The following FHIP1B variants were observed in gnomAD, a reference collection of about 807,000 sequenced individuals.
The protein encoded by FHIP1B is FHF complex subunit HOOK interacting protein 1B, also known as FHF complex subunit HOOK-interacting protein 1B.
A neutral mutation model predicts 82.2 loss-of-function variants in FHIP1B; 28 were observed. The observed-to-expected ratio is 0.34, with a 90% CI of 0.25 to 0.47. FHIP1B has a LOEUF of 0.47. Ranked by LOEUF, FHIP1B falls within the 20% of genes least tolerant of loss-of-function variation. The pLI is 1.00. For missense variants in FHIP1B, 1,110 were observed against 1,262.6 expected (o/e 0.88, Z 1.83); for synonymous variants, 585 against 516.1 (o/e 1.13, Z -1.81).
At chr11:6,227,033 T>C (rs1402098191) in intron 1 of FHIP1B, among the ~76,000 whole-genome samples, 1 of 152,240 alleles carries the variant, frequency 6.6e-6, no homozygotes, top group African/African-American at 2.4e-5. Flanking sequence ...TGAAATTATT[T>C]ATACCTGTAA....
At chr11:6,227,597 A>G (rs757071441) in intron 1 of FHIP1B, among the ~76,000 whole-genome samples, 9 of 152,230 alleles carry the variant, frequency 5.9e-5, no homozygotes, top group Non-Finnish European at 1.0e-4. Context: ...TGATGTCCAG[A>G]AAGCAAGTAG....
chr11:6,219,135 C>T (rs1847337659), intron 6 of FHIP1B, 85 bp from the exon 7 acceptor site: 5 of 1,053,598 alleles, frequency 4.7e-6, no homozygotes, highest in Non-Finnish European at 7.2e-6. Flanking sequence ...CCCACCAGCC[C>T]CAAGTTGGCC....
intron 1 of FHIP1B, among the ~76,000 whole-genome samples, chr11:6,232,514 TCTCA>T: frequency 6.6e-6 from 1 of 152,244 alleles, no homozygotes; most frequent in Admixed American, 6.5e-5. Context: ...CCAAAGTCTC[TCTCA>T]CTCTGAGACA....
chr11:6,219,095 T>G, intron 6 of FHIP1B, 45 bp from the exon 7 acceptor site: 22 of 1,479,532 alleles, frequency 1.5e-5, no homozygotes, highest in African/African-American at 4.2e-5. Flanking sequence ...AAGAGCTCTC[T>G]GCCCTCCAAG....
chr11:6,217,880 C>T lies in FHIP1B; in HGVS notation c.1706G>A (p.Cys569Tyr). The change falls in exon 9 of 12, where the codon TGC becomes TAC. Residue 569 changes from cysteine (C) to tyrosine (Y), a missense_variant. By Grantham distance (194) the Cys-to-Tyr change is radical. Transcript: ENST00000449352. ...ATCATAGGGGGCAGACCAGGTACGGCAGGCTCGGACACAGCGGTCCACACC... is the reference window on the plus strand; with the variant it reads ...ATCATAGGGGGCAGACCAGGTACGGTAGGCTCGGACACAGCGGTCCACACC... ...RRGVDRCVRA[C>Y]RTWSAPYDGE... 6.2e-7 allele frequency: 1 copy of T among 1,613,454 alleles called. No individual in the cohort carries two copies. Among genetic ancestry groups the T allele is most frequent in the Non-Finnish European group, 8.5e-7 (1 of 1,179,982 alleles).
rs370575317 is a variant in FHIP1B at position 6,221,299 on chromosome 11, G to A, written c.1191+1143C>T. On this transcript the variant is annotated intron_variant, in intron 6 of 11. Transcript: ENST00000449352. ...GAAGTTTTCCAGAGCTCTTAGTGAT[G>A]AAAGAACTTCTATTTTAAACACATG... 3.4e-4 allele frequency among the ~76,000 whole-genome samples: 51 copies of A among 151,998 alleles called. No homozygotes were observed. The East Asian group carries it at 5.4e-3, about 16-fold the overall frequency.
chr11:6,212,992 T>C (rs1196036416), intron 11 of FHIP1B, among the ~76,000 whole-genome samples: 1 of 152,228 alleles, frequency 6.6e-6, no homozygotes, highest in Non-Finnish European at 1.5e-5. Context: ...CCAATTTTAC[T>C]TCCCTTAACT....
chr11:6,218,199 A>C (rs201985072), intron 8 of FHIP1B, 49 bp from the exon 9 acceptor site: 247 of 1,560,936 alleles, frequency 1.6e-4, no homozygotes, highest in Admixed American at 2.1e-4. Flanking sequence ...GAGGTTCAGA[A>C]GGAGAGATAA....
intron 9 of FHIP1B, 35 bp downstream of exon 9, chr11:6,217,336 T>G: frequency 1.3e-6 from 2 of 1,579,084 alleles, no homozygotes; most frequent in South Asian, 2.2e-5. Flanking sequence ...ATGCAAAGAG[T>G]ACACAGAAGG....
Position 6,217,674 on chromosome 11 carries a change from C to A in FHIP1B, c.1912G>T (p.Val638Leu). ...GHLPPPQLNG[V>L]PGSWPEGAKK... ...GCCCCCTCAGGCCATGATCCTGGCACTCCATTGAGCTGGGGAGGGGGCAGG... is the reference window on the plus strand; with the variant it reads ...GCCCCCTCAGGCCATGATCCTGGCAATCCATTGAGCTGGGGAGGGGGCAGG... Residue 638 changes from valine to leucine, a missense_variant, in exon 9 of 12, where the codon GTG (valine) becomes TTG (leucine). Val to Leu is a conservative substitution (Grantham distance 32, BLOSUM62 1). Coordinates refer to ENST00000449352, the MANE Select transcript of FHIP1B (RefSeq NM_001098794.2). 1 of 1,613,874 alleles carries A rather than the reference C, an allele frequency of 6.2e-7. No homozygotes were observed. Among genetic ancestry groups the A allele is most frequent in the Non-Finnish European group, 8.5e-7 (1 of 1,179,972 alleles).
At position 6,226,021 on chromosome 11, in the gene FHIP1B, C is replaced by G. The variant is rs78387028; in HGVS notation, c.-191-1314G>C. Among the ~76,000 whole-genome samples, 626 of 152,282 alleles carry G rather than the reference C, an allele frequency of 4.1e-3. 5 individuals carry two copies. Among genetic ancestry groups the G allele is most frequent in the African/African-American group, 0.014 (589 of 41,546 alleles). On this transcript the variant is annotated intron_variant, in intron 1 of 11. Coordinates refer to ENST00000449352, the MANE Select transcript of FHIP1B (RefSeq NM_001098794.2). ...CCTTCTCCTTTACAGCCACCACACC[C>G]TCATCAGTACTGTCTCTCACAAGCA... is the stretch of plus-strand genomic sequence containing the variant.
At chr11:6,233,383 C>A (rs1368982154) in intron 1 of FHIP1B, among the ~76,000 whole-genome samples, 1 of 152,118 alleles carries the variant, frequency 6.6e-6, no homozygotes, top group Non-Finnish European at 1.5e-5. Context: ...AATGCCAAAC[C>A]AACTTTCCAG....
Position 6,223,842 on chromosome 11 carries a change from T to C in FHIP1B, c.545A>G (p.Gln182Arg). The C allele has an allele frequency of 6.2e-7, 1 of 1,614,184 alleles. No homozygotes were observed. Among genetic ancestry groups the C allele is most frequent in the East Asian group, 2.2e-5 (1 of 44,886 alleles). ...CTCCTGGGCCACACAAACACACAGC[T>C]GGCTGAGAAGTAGCACCAAGCCTTC... is the stretch of plus-strand genomic sequence containing the variant. ...LDEGLVLLLSQLCVCVAQEPS... is the reference protein window; with the variant it reads ...LDEGLVLLLSRLCVCVAQEPS... Residue 182 changes from glutamine (Q) to arginine (R), a missense_variant, in exon 3 of 12, where the codon CAG (glutamine) becomes CGG (arginine). Coordinates refer to ENST00000449352, the MANE Select transcript of FHIP1B (RefSeq NM_001098794.2). The surrounding 1 kb of genome is among the most constrained non-coding windows in gnomAD (Gnocchi z 4.8).
chr11:6,221,970 T>C (rs1190724234), intron 6 of FHIP1B, among the ~76,000 whole-genome samples: 1 of 152,144 alleles, frequency 6.6e-6, no homozygotes, highest in East Asian at 1.9e-4. Flanking sequence ...CGAAAGTAGA[T>C]AGGTGGGTGG....
intron 6 of FHIP1B, among the ~76,000 whole-genome samples, chr11:6,221,871 T>C (rs999482519): frequency 2.6e-5 from 4 of 152,172 alleles, no homozygotes; most frequent in African/African-American, 7.2e-5. Flanking sequence ...TCAGCAACAA[T>C]GTCTACCTTA....
In FHIP1B at chr11:6,222,563, A is replaced by C. The variant is rs1426828317; in HGVS notation, c.1070T>G (p.Phe357Cys). 6.2e-7 allele frequency: 1 copy of C among 1,614,168 alleles called. No homozygotes were observed. The highest frequency in any genetic ancestry group is 1.7e-5 in the Admixed American group (1 of 60,028). The part of the protein sequence containing the change: ...MIASTAYLEL[F>C]LRSISEPALL... ...AGCAGGCTCTGAGATACTCCGTAGG[A>C]AAAGTTCCAGATAGGCGGTACTGGC... Residue 357 changes from phenylalanine to cysteine, a missense_variant, in exon 6 of 12, where the codon TTC becomes TGC. Physicochemically the swap from Phe to Cys is radical, Grantham distance 205. Coordinates refer to ENST00000449352, the MANE Select transcript of FHIP1B (RefSeq NM_001098794.2).
intron 11 of FHIP1B, 70 bp from the exon 12 acceptor site, chr11:6,211,937 T>G (rs756731596): frequency 6.8e-7 from 1 of 1,480,094 alleles, no homozygotes; most frequent in Non-Finnish European, 8.9e-7. Flanking sequence ...GAGGGGAGAT[T>G]CCCCCACCCC....
intron 1 of FHIP1B, among the ~76,000 whole-genome samples, chr11:6,230,197 T>C (rs970272421): frequency 3.3e-5 from 5 of 152,154 alleles, no homozygotes; most frequent in African/African-American, 1.2e-4. Flanking sequence ...GCCTCACTTA[T>C]GAACCTTTGC....
At chr11:6,230,645 A>G (rs886456787) in intron 1 of FHIP1B, among the ~76,000 whole-genome samples, 3 of 152,282 alleles carry the variant, frequency 2.0e-5, no homozygotes, top group Admixed American at 1.3e-4. Flanking sequence ...GGTCCATCCA[A>G]TTCACAAAAG....
Sources: allele counts gnomAD v4.1 joint callset (sites outside exome capture counted in the v4.1 genomes callset), GRCh38; gene constraint gnomAD v4.1.1; non-coding constraint Gnocchi (gnomAD v3.1); transcripts MANE v1.5; gene names NCBI Gene and HGNC (gene_info 2026-07-23, HGNC 2026-07-21).